The following FBN3 variants were observed in gnomAD, a reference collection of about 807,000 sequenced individuals.
FBN3 encodes fibrillin-3.
A neutral mutation model predicts 330.1 loss-of-function variants in FBN3; 234 were observed. That is an observed-to-expected ratio of 0.71 (90% CI 0.64 to 0.79). FBN3 has a LOEUF of 0.79. FBN3 is among the 30% of genes least tolerant of loss of function. The pLI is 0.00. For missense variants in FBN3, 3,606 were observed against 3,886.9 expected, an observed-to-expected ratio of 0.93 and a Z score of 1.92; for synonymous variants, 1,458 against 1,517.3, an observed-to-expected ratio of 0.96 and a Z score of 0.91.
In FBN3 at chr19:8,081,129, G is replaced by C; in HGVS notation, c.7337-10C>G. On this transcript the variant is annotated splice_polypyrimidine_tract_variant and intron_variant, in intron 58 of 63. Coordinates refer to ENST00000600128, the MANE Select transcript of FBN3 (RefSeq NM_032447.5). The stretch of plus-strand genomic sequence containing the variant: ...GTGCATTCGTCCAGGTCTGCAGCAC[G>C]GATGGTCCAGCAGGCTCAGGGCAGG... 1 of 1,608,684 alleles carries C rather than the reference G, an allele frequency of 6.2e-7. No individual in the cohort carries two copies. The highest frequency in any genetic ancestry group is 8.5e-7 in the Non-Finnish European group (1 of 1,175,608).
chr19:8,084,133 G>C (rs1355789838), intron 56 of FBN3, among the ~76,000 whole-genome samples: 1 of 152,044 alleles, frequency 6.6e-6, no homozygotes. Context: ...CTGGTCACAT[G>C]GATAACCCAT....
intron 29 of FBN3, 61 bp from the exon 30 acceptor site, chr19:8,115,701 A>T: frequency 6.3e-7 from 1 of 1,587,358 alleles, no homozygotes; most frequent in Non-Finnish European, 8.6e-7. Flanking sequence ...GAGAGGAAGT[A>T]GGTGAGGGTG....
chr19:8,124,577 C>A (rs186055798), intron 22 of FBN3, among the ~76,000 whole-genome samples: 85 of 140,094 alleles, frequency 6.1e-4, no homozygotes, highest in African/African-American at 2.2e-3. Context: ...TTGCTCTGTC[C>A]CCCAGGCTGT....
intron 25 of FBN3, among the ~76,000 whole-genome samples, chr19:8,119,661 G>A (rs2082791476): frequency 6.6e-6 from 1 of 151,596 alleles, no homozygotes; most frequent in Non-Finnish European, 1.5e-5. Flanking sequence ...TTACAGGCAT[G>A]CATCACCAAG....
intron 25 of FBN3, among the ~76,000 whole-genome samples, chr19:8,119,898 G>T (rs2082800703): frequency 7.5e-6 from 1 of 134,140 alleles, no homozygotes; most frequent in African/African-American, 2.8e-5. Context: ...ACAGCTCCCT[G>T]CAGCCTCCAC....
rs1294557631 is a variant in FBN3, at chr19:8,130,659, G to GGAAAAGAAAAGAAAA, written c.2044+561_2044+575dup. 1.6e-3 allele frequency among the ~76,000 whole-genome samples: 58 copies of GGAAAAGAAAAGAAAA among 37,244 alleles called. 2 individuals are homozygous for GGAAAAGAAAAGAAAA. The highest frequency in any genetic ancestry group is 6.9e-3 in the East Asian group (6 of 866). The allele number at this position is 37,244 out of a possible 152,430, so 24.4% of individuals were successfully genotyped here. ...AAGAAAGAAAGGAAAGGAAAGGAAAGGAAAAGAAAAGAAAAGAAAAGAAAA... is the reference window on the plus strand; with the variant it reads ...AAGAAAGAAAGGAAAGGAAAGGAAAGGAAAAGAAAAGAAAAGAAAAGAAAAGAAAAGAAAAGAAAA... On this transcript the variant is annotated intron_variant, in intron 16 of 63. Transcript: ENST00000600128.
intron 59 of FBN3, among the ~76,000 whole-genome samples, chr19:8,076,247 C>CGTGTGTGTGTGTGTGTGTGTGT (rs34549426): frequency 1.6e-4 from 23 of 147,756 alleles, no homozygotes; most frequent in South Asian, 4.4e-4. Flanking sequence ...TGTCCGTGTG[C>CGTGTGTGTGTGTGTGTGTGTGT]GTGTGTGTGT....
chr19:8,091,331 A>T, intron 48 of FBN3, 134 bp downstream of exon 48: 1 of 1,200,688 alleles, frequency 8.3e-7, no homozygotes, highest in Non-Finnish European at 1.2e-6. Context: ...TAACTCTGCT[A>T]ATGCAAACAG....
At chr19:8,126,986 C>T (rs2083005938) in intron 18 of FBN3, among the ~76,000 whole-genome samples, 154 bp from the exon 19 acceptor site, 1 of 151,418 alleles carries the variant, frequency 6.6e-6, no homozygotes, top group Non-Finnish European at 1.5e-5. Flanking sequence ...AATGTGCATG[C>T]AAGCACATGT....
At chr19:8,123,329 G>A (rs998136315) in intron 24 of FBN3, 135 bp downstream of exon 24, 7 of 987,186 alleles carry the variant, frequency 7.1e-6, no homozygotes, top group Middle Eastern at 2.3e-4. Flanking sequence ...ACTCCAGCCT[G>A]GATAACAAGA....
At chr19:8,072,500 CTG>C (rs1339491930) in intron 62 of FBN3, among the ~76,000 whole-genome samples, 1 of 152,058 alleles carries the variant, frequency 6.6e-6, no homozygotes, top group African/African-American at 2.4e-5. Context: ...GTGTGCCAAC[CTG>C]TGTGTTCACA....
chr19:8,080,961 G>T, intron 59 of FBN3, 42 bp downstream of exon 59: 1 of 1,373,436 alleles, frequency 7.3e-7, no homozygotes, highest in Non-Finnish European at 1.0e-6. Flanking sequence ...ACTAATGCTG[G>T]GGTCATGGGT....
intron 6 of FBN3, among the ~76,000 whole-genome samples, chr19:8,143,042 C>T (rs150658463): frequency 0.012 from 1,781 of 152,210 alleles, 35 homozygotes; most frequent in African/African-American, 0.036. Flanking sequence ...ACATTAGGCA[C>T]CCAGATGCCT....
chr19:8,093,850 G>A (rs1743079326), intron 47 of FBN3, among the ~76,000 whole-genome samples: 1 of 151,990 alleles, frequency 6.6e-6, no homozygotes, highest in Admixed American at 6.6e-5. Flanking sequence ...GTCCACGTTA[G>A]CTCAGGTTAT....
At chr19:8,126,045 G>T (rs547535425) in intron 21 of FBN3, 28 bp from the exon 22 acceptor site, 3 of 1,612,842 alleles carry the variant, frequency 1.9e-6, no homozygotes, top group Admixed American at 1.7e-5. Flanking sequence ...AAAGCCGGAG[G>T]GTCCAGGGAG....
chr19:8,110,519 G>A (rs939950657), intron 34 of FBN3, among the ~76,000 whole-genome samples: 1 of 152,192 alleles, frequency 6.6e-6, no homozygotes, highest in African/African-American at 2.4e-5. Flanking sequence ...GAGCTACAAT[G>A]GCAGAGTTGA....
At chr19:8,111,539 G>T in intron 32 of FBN3, 109 bp downstream of exon 32, 1 of 1,248,632 alleles carries the variant, frequency 8.0e-7, no homozygotes, top group Non-Finnish European at 1.1e-6. Context: ...ACAGAGCGGC[G>T]ATTGAGTCAG....
chr19:8,065,819 G>T lies in FBN3; in HGVS notation c.*100C>A. The T allele has an allele frequency of 1.0e-6, 1 of 996,900 alleles. No homozygotes were observed. The highest frequency in any genetic ancestry group is 2.6e-5 in the East Asian group (1 of 38,808). 61.8% of individuals were successfully genotyped at this position (996,900 alleles called of 1,614,324 possible). A position where few individuals can be genotyped will look rare whatever the true frequency, so the allele number is the denominator to read the frequency against. On this transcript the variant is annotated 3_prime_UTR_variant, in exon 64 of 64. Coordinates refer to ENST00000600128, the MANE Select transcript of FBN3 (RefSeq NM_032447.5). ...TAGCATTTCACTCTTCCTGAGTTTC[G>T]GGGTTCAATCTGGTCAGCCATCGCT...
intron 48 of FBN3, 133 bp from the exon 49 acceptor site, chr19:8,090,384 G>T (rs552283921): frequency 2.1e-6 from 2 of 959,850 alleles, no homozygotes; most frequent in Non-Finnish European, 1.6e-6. Context: ...AACATGCCAT[G>T]CCCCTGGTCA....
Sources: gnomAD v4.1 joint callset for allele counts (sites outside exome capture counted in the v4.1 genomes callset) on GRCh38, gnomAD v4.1.1 for gene constraint, MANE v1.5 for transcripts, NCBI Gene and HGNC (gene_info 2026-07-23, HGNC 2026-07-21) for gene names.